RFX7: variants seen among roughly 807,000 people sequenced by gnomAD.
RFX7 encodes the protein DNA-binding protein RFX7.
In RFX7, 26 loss-of-function variants were observed where a neutral mutation model predicts 111.8. The observed-to-expected ratio is 0.23, with a 90% CI of 0.17 to 0.32. RFX7 has a LOEUF of 0.32. Ranked by LOEUF, RFX7 falls within the 10% of genes least tolerant of loss-of-function variation. RFX7 has a pLI of 1.00. For missense variants in RFX7, 1,573 were observed against 1,772.9 expected, an observed-to-expected ratio of 0.89 and a Z score of 2.02; for synonymous variants, 624 against 624.4, an observed-to-expected ratio of 1.00 and a Z score of 0.01.
intron 5 of RFX7, among the ~76,000 whole-genome samples, chr15:56,137,983 T>C (rs1456043031): frequency 1.3e-5 from 2 of 151,676 alleles, no homozygotes; most frequent in African/African-American, 4.8e-5. Flanking sequence ...TGAGAGACAG[T>C]TTGTTATAAT....
At chr15:56,192,798 C>G (rs903652575) in intron 2 of RFX7, 2 of 223,804 alleles carry the variant, frequency 8.9e-6, no homozygotes, top group African/African-American at 4.6e-5. Flanking sequence ...GCCAGCAAAT[C>G]GGTCTTGTTT....
rs188519907 is a variant in RFX7 at position 56,128,058 on chromosome 15, C to T, written c.401+14720G>A. Among the ~76,000 whole-genome samples, 70 of 152,198 alleles carry T rather than the reference C, an allele frequency of 4.6e-4. No homozygotes were observed. In the East Asian group the frequency reaches 8.3e-3, roughly 18 times the overall value. The stretch of plus-strand genomic sequence containing the variant: ...AAAGAAACAAAATTCTAGAAGAACA[C>T]AAACTATCAAAATAGACTCAAAAGG... On this transcript the variant is annotated intron_variant, in intron 5 of 9. Transcript: ENST00000559447.
intron 2 of RFX7, among the ~76,000 whole-genome samples, chr15:56,217,131 C>T (rs1351247787): frequency 6.6e-6 from 1 of 152,162 alleles, no homozygotes; most frequent in African/African-American, 2.4e-5. Context: ...TATATAGACA[C>T]ATATGTACTA....
chr15:56,126,758 T>A (rs2042150994), intron 5 of RFX7, among the ~76,000 whole-genome samples: 1 of 152,134 alleles, frequency 6.6e-6, no homozygotes, highest in Admixed American at 6.5e-5. Flanking sequence ...TGGAGGGCTG[T>A]ACTAATATCA....
intron 2 of RFX7, among the ~76,000 whole-genome samples, chr15:56,183,373 A>T (rs1312905702): frequency 6.6e-6 from 1 of 152,122 alleles, no homozygotes; most frequent in Admixed American, 6.5e-5. Context: ...GGTTAAAAGC[A>T]GTCTATATTT....
chr15:56,095,633 C>G lies in RFX7; in HGVS notation c.2095G>C (p.Val699Leu). The G allele has an allele frequency of 6.2e-7, 1 of 1,613,972 alleles. No homozygotes were observed. Among genetic ancestry groups the G allele is most frequent in the Non-Finnish European group, 8.5e-7 (1 of 1,179,876 alleles). The change falls in exon 10 of 10, where the codon GTT (valine) becomes CTT (leucine). Residue 699 changes from valine to leucine, a missense_variant. By Grantham distance (32) the Val-to-Leu change is conservative (BLOSUM62 1). This residue lies in a region of RFX7 where 625 missense variants were observed against 632.2 expected (regional missense o/e 0.99). Transcript: ENST00000559447. ...CCTTCTGTTTTCCCTGAATGTGGAA[C>G]CTTTTGGTCCTTCTTAACACTGCCT... ...KQGSVKKDQKVPHSGKTEGST... is the reference protein window; with the variant it reads ...KQGSVKKDQKLPHSGKTEGST...
intron 5 of RFX7, among the ~76,000 whole-genome samples, chr15:56,129,024 A>G (rs368245104): frequency 2.8e-4 from 42 of 152,210 alleles, no homozygotes; most frequent in African/African-American, 9.9e-4. Flanking sequence ...TTAAAGATCT[A>G]AGTAAACAAA....
chr15:56,100,057 C>G (rs1294511341), intron 8 of RFX7, among the ~76,000 whole-genome samples: 1 of 152,136 alleles, frequency 6.6e-6, no homozygotes, highest in Non-Finnish European at 1.5e-5. Flanking sequence ...GGGTTCATTC[C>G]TTTTAAAGCT....
At chr15:56,120,939 T>C (rs1416812707) in intron 5 of RFX7, among the ~76,000 whole-genome samples, 1 of 152,242 alleles carries the variant, frequency 6.6e-6, no homozygotes, top group African/African-American at 2.4e-5. Flanking sequence ...ATTTATATTT[T>C]ATTGTACTAT....
intron 5 of RFX7, among the ~76,000 whole-genome samples, chr15:56,123,478 C>T (rs932575435): frequency 6.6e-6 from 1 of 152,166 alleles, no homozygotes. Flanking sequence ...TTCTCCTCTC[C>T]TCAAGTGGAA....
chr15:56,116,284 AAAGATGGTTTGTAAAATGGTTTGT>A (rs1232254775), intron 5 of RFX7, among the ~76,000 whole-genome samples: 1 of 152,242 alleles, frequency 6.6e-6, no homozygotes, highest in African/African-American at 2.4e-5. Context: ...AGAGAGAGGT[AAAGATGGTTTGTAAAATGGTTTGT>A]AAGATGGTTT....
intron 5 of RFX7, 115 bp downstream of exon 5, chr15:56,142,663 T>A: frequency 1.1e-6 from 1 of 887,598 alleles, no homozygotes; most frequent in Non-Finnish European, 1.7e-6. Context: ...GATTTCTAAG[T>A]GTAATTCCCA....
chr15:56,111,085 C>A (rs1313973429), intron 5 of RFX7, among the ~76,000 whole-genome samples: 1 of 125,990 alleles, frequency 7.9e-6, no homozygotes, highest in African/African-American at 2.8e-5. Context: ...CGCCTCTGCC[C>A]GGCCGCCCCT....
chr15:56,155,541 G>A (rs1358703075), intron 3 of RFX7, among the ~76,000 whole-genome samples: 1 of 152,070 alleles, frequency 6.6e-6, no homozygotes, highest in East Asian at 1.9e-4. Context: ...GCGTGTTCTC[G>A]CTCATAAGTG....
intron 2 of RFX7, among the ~76,000 whole-genome samples, chr15:56,181,856 G>A (rs751616052): frequency 1.1e-4 from 17 of 152,074 alleles, no homozygotes; most frequent in Non-Finnish European, 2.2e-4. Flanking sequence ...TGTTAGGAAC[G>A]GGGCCACACA....
chr15:56,156,834 ATTTGAG>A (rs1210818475), intron 3 of RFX7, among the ~76,000 whole-genome samples: 3 of 152,208 alleles, frequency 2.0e-5, no homozygotes. Flanking sequence ...ATTATTTATC[ATTTGAG>A]TTTAACAGAG....
At chr15:56,193,770 G>A (rs1366530379) in intron 2 of RFX7, among the ~76,000 whole-genome samples, 1 of 152,140 alleles carries the variant, frequency 6.6e-6, no homozygotes, top group Non-Finnish European at 1.5e-5. Flanking sequence ...AAGCAACAGA[G>A]ATGGCTTGAG....
chr15:56,172,901 A>T (rs1278613987), intron 3 of RFX7, among the ~76,000 whole-genome samples: 1 of 152,084 alleles, frequency 6.6e-6, no homozygotes, highest in African/African-American at 2.4e-5. Flanking sequence ...TACTGCAGCA[A>T]CTCTCCCAGC....
In RFX7 at chr15:56,094,854, T is replaced by A. The variant is rs776397796; in HGVS notation, c.2874A>T (p.Pro958=). The A allele has an allele frequency of 6.0e-5, 93 of 1,554,874 alleles. 1 individual carries two copies. In the South Asian group the frequency reaches 7.4e-4, roughly 12 times the overall value. Residue 958 remains proline (P), a synonymous_variant, in exon 10 of 10, where the codon CCA becomes CCT. Transcript: ENST00000559447. ...CAGATGTCGGGGTTGGGGTTGGGGT[T>A]GGAGTAGGAGTGGGTGTGGGTGTGG... ...PTPTPTPTPT[P]TPTPTPTSEM... is the part of the protein sequence containing the mutation.
Sources: gnomAD v4.1 joint callset for allele counts (sites outside exome capture counted in the v4.1 genomes callset) on GRCh38, gnomAD v4.1.1 for gene constraint, gnomAD v4.1.1 regional missense constraint, MANE v1.5 for transcripts, NCBI Gene and HGNC (gene_info 2026-07-23, HGNC 2026-07-21) for gene names.